The following CUX1 variants were observed in gnomAD, a reference collection of about 807,000 sequenced individuals.
The protein encoded by CUX1 is cut like homeobox 1, also known as protein CASP.
A neutral mutation model predicts 158.8 loss-of-function variants in CUX1; 31 were observed. That is an observed-to-expected ratio of 0.20 (90% CI 0.15 to 0.26). The LOEUF (loss-of-function observed/expected upper bound fraction) is 0.26. Among genes scored for constraint, CUX1 ranks in the 10% least tolerant of loss-of-function variants. The pLI is 1.00. For missense variants in CUX1, 1,589 were observed against 2,014.6 expected (o/e 0.79, Z 4.04); for synonymous variants, 879 against 862.1 (o/e 1.02, Z -0.34).
intron 2 of CUX1, among the ~76,000 whole-genome samples, chr7:101,917,454 C>T (rs2906656): frequency 0.12 from 18,068 of 152,092 alleles, 1,198 homozygotes; most frequent in Non-Finnish European, 0.15. Context: ...CTCGGCTGCC[C>T]CTAAATGTGG....
intron 9 of CUX1, among the ~76,000 whole-genome samples, chr7:102,163,859 C>T (rs912631715): frequency 5.3e-5 from 8 of 152,144 alleles, no homozygotes; most frequent in Non-Finnish European, 1.2e-4. Context: ...ATTCGTTTTC[C>T]CTGGGTGTGT....
intron 2 of CUX1, among the ~76,000 whole-genome samples, chr7:101,986,622 C>T (rs1009297680): frequency 1.3e-5 from 2 of 152,158 alleles, no homozygotes; most frequent in Admixed American, 6.5e-5. Context: ...AGCCCTTTTC[C>T]CGTGGGCTCT....
At chr7:101,938,338 C>T (rs1177564607) in intron 2 of CUX1, among the ~76,000 whole-genome samples, 1 of 152,018 alleles carries the variant, frequency 6.6e-6, no homozygotes, top group Non-Finnish European at 1.5e-5. Context: ...AACTCTGGGG[C>T]TCAAATGATC....
At chr7:101,954,113 A>T (rs1809460938) in intron 2 of CUX1, among the ~76,000 whole-genome samples, 1 of 152,166 alleles carries the variant, frequency 6.6e-6, no homozygotes, top group African/African-American at 2.4e-5. Context: ...ATCACCTGAG[A>T]CACGAGTTTA....
At chr7:101,976,728 C>G (rs958652742) in intron 2 of CUX1, among the ~76,000 whole-genome samples, 1 of 151,948 alleles carries the variant, frequency 6.6e-6, no homozygotes, top group African/African-American at 2.4e-5. Flanking sequence ...GGATCCAGTG[C>G]GTCTCATTAT....
chr7:102,115,408 G>A (rs534512593), intron 8 of CUX1, 135 bp downstream of exon 8: 30 of 708,950 alleles, frequency 4.2e-5, no homozygotes, highest in Admixed American at 2.3e-4. Flanking sequence ...AGTTACTTGC[G>A]TCGGTTCAAT....
chr7:102,275,816 C>G (rs1791566590), intron 17 of CUX1, among the ~76,000 whole-genome samples: 1 of 152,082 alleles, frequency 6.6e-6, no homozygotes, highest in Non-Finnish European at 1.5e-5. Flanking sequence ...TGAGACCAGC[C>G]TGGCCAACAT....
At chr7:102,158,425 T>G in intron 8 of CUX1, 135 bp from the exon 9 acceptor site, 1 of 726,982 alleles carries the variant, frequency 1.4e-6, no homozygotes, top group Admixed American at 2.4e-5. Context: ...TGAGCCCACC[T>G]CCTCCTGCTG....
At chr7:102,086,065 A>G (rs1338514430) in intron 4 of CUX1, among the ~76,000 whole-genome samples, 17 of 152,182 alleles carry the variant, frequency 1.1e-4, no homozygotes, top group African/African-American at 4.1e-4. Context: ...TATTGTACAT[A>G]ATATTTTATT....
chr7:101,824,211 C>T (rs866291149), intron 1 of CUX1, among the ~76,000 whole-genome samples: 3 of 152,208 alleles, frequency 2.0e-5, no homozygotes, highest in Non-Finnish European at 2.9e-5. Flanking sequence ...CCTCAGCCCC[C>T]CCGAGTAGCT....
At chr7:102,122,765 G>A (rs1832188626) in intron 8 of CUX1, among the ~76,000 whole-genome samples, 1 of 152,170 alleles carries the variant, frequency 6.6e-6, no homozygotes, top group South Asian at 2.1e-4. Context: ...AGTGAGAATT[G>A]CCAAACTTTA....
At chr7:101,862,024 G>C (rs376999681) in intron 1 of CUX1, among the ~76,000 whole-genome samples, 5 of 152,070 alleles carry the variant, frequency 3.3e-5, no homozygotes, top group African/African-American at 1.2e-4. Context: ...TAATAGAGAT[G>C]GGGTTTCACC....
chr7:102,207,857 A>G (rs1554522114), intron 20 of CUX1, among the ~76,000 whole-genome samples: 1 of 152,108 alleles, frequency 6.6e-6, no homozygotes, highest in Non-Finnish European at 1.5e-5. Flanking sequence ...AGATTATCAT[A>G]TGGTTTTCCT....
At chr7:101,855,877 C>CAAAAAA (rs10654821) in intron 1 of CUX1, among the ~76,000 whole-genome samples, 1 of 111,008 alleles carries the variant, frequency 9.0e-6, no homozygotes, top group Non-Finnish European at 1.8e-5. Context: ...GTTTCCAGCT[C>CAAAAAA]AAAAAAAAAA....
rs539050916 is a variant in CUX1, at chr7:101,839,596, C to T, written c.30+21927C>T. On this transcript the variant is annotated intron_variant, in intron 1 of 23. Transcript: ENST00000292535. The stretch of plus-strand genomic sequence containing the variant: ...TGATCACCAGGGAAGTCGATCTTTG[C>T]GATAAGCCTCATTTTATACTTGTCA... Among the ~76,000 whole-genome samples the T allele has an allele frequency of 3.9e-4, 59 of 152,048 alleles. No homozygotes were observed. In the Middle Eastern group the frequency reaches 0.01, roughly 26 times the overall value.
In CUX1 at chr7:102,253,232, T is replaced by A; in HGVS notation, c.*4190T>A. The A allele has an allele frequency of 1.0e-6, 1 of 985,492 alleles. No homozygotes were observed. The highest frequency in any genetic ancestry group is 1.2e-6 in the Non-Finnish European group (1 of 829,980). The allele number at this position is 985,492 out of a possible 1,614,324, so 61.0% of individuals were successfully genotyped here. A position where few individuals can be genotyped will look rare whatever the true frequency, so the allele number is the denominator to read the frequency against. On this transcript the variant is annotated 3_prime_UTR_variant, in exon 24 of 24. Coordinates refer to ENST00000292535, the MANE Select transcript of CUX1 (RefSeq NM_181552.4). ...GTGCAGCAGAGCTCTGGGTTAAATA[T>A]TCCTTTCTGGCCACCGCCCAAGCCC... is the stretch of plus-strand genomic sequence containing the variant.
At chr7:101,933,615 G>A (rs1351895412) in intron 2 of CUX1, among the ~76,000 whole-genome samples, 1 of 152,042 alleles carries the variant, frequency 6.6e-6, no homozygotes, top group Admixed American at 6.5e-5. Flanking sequence ...TTTTCAGTAG[G>A]TGTCATGTTG....
chr7:101,929,018 C>T (rs2129111856), intron 2 of CUX1, among the ~76,000 whole-genome samples: 1 of 151,982 alleles, frequency 6.6e-6, no homozygotes, highest in South Asian at 2.1e-4. Context: ...GTGGCTCACA[C>T]CTAGAATCCC....
chr7:102,028,691 C>T (rs965267766), intron 3 of CUX1, among the ~76,000 whole-genome samples: 4 of 152,286 alleles, frequency 2.6e-5, no homozygotes, highest in Non-Finnish European at 2.9e-5. Flanking sequence ...ATCTGGCAGA[C>T]GGCACGTGGG....
Sources: allele counts gnomAD v4.1 joint callset (sites outside exome capture counted in the v4.1 genomes callset), GRCh38; gene constraint gnomAD v4.1.1; transcripts MANE v1.5; gene names NCBI Gene and HGNC (gene_info 2026-07-23, HGNC 2026-07-21).